AP3S2: variants seen among roughly 807,000 people sequenced by gnomAD.
The protein encoded by AP3S2 is adaptor related protein complex 3 subunit sigma 2, also known as AP-3 complex subunit sigma-2.
A neutral mutation model predicts 23.4 loss-of-function variants in AP3S2; 22 were observed. The observed-to-expected ratio is 0.94, with a 90% confidence interval of 0.67 to 1.34. AP3S2 has a LOEUF of 1.34. AP3S2 is among the 40% of genes most tolerant of loss of function. The pLI is 0.00. For synonymous variants in AP3S2, 86 were observed against 87.1 expected, an observed-to-expected ratio of 0.99 and a Z score of 0.07; for missense variants, 241 against 236.9, an observed-to-expected ratio of 1.02 and a Z score of -0.11.
intron 4 of AP3S2, among the ~76,000 whole-genome samples, chr15:89,853,758 G>A (rs373654369): frequency 8.3e-6 from 1 of 120,788 alleles, no homozygotes; most frequent in South Asian, 3.1e-4. Context: ...CCTCTGCCCC[G>A]CTGCCCCATC....
Position 89,885,312 on chromosome 15 carries a change from G to A in AP3S2, c.273+3209C>T, listed in dbSNP as rs1334790591. ...CAGGTTCAGGTGATTCTCATGCCTT[G>A]GCTACCCAAACAGCCAAGCAGCTGG... On this transcript the variant is annotated intron_variant, in intron 3 of 5. Coordinates refer to ENST00000336418, the MANE Select transcript of AP3S2 (RefSeq NM_005829.5). 3.3e-5 allele frequency among the ~76,000 whole-genome samples: 5 copies of A among 151,620 alleles called. No homozygotes were observed. The East Asian group carries it at 5.8e-4, about 18-fold the overall frequency.
At chr15:89,870,729 A>G (rs1041677867) in intron 4 of AP3S2, among the ~76,000 whole-genome samples, 2 of 152,200 alleles carry the variant, frequency 1.3e-5, no homozygotes, top group Non-Finnish European at 2.9e-5. Flanking sequence ...ATCTCTCTCC[A>G]AGGGCCAGGG....
Position 89,893,818 on chromosome 15 carries a change from C to A in AP3S2, c.69+63G>T. On this transcript the variant is annotated intron_variant, in intron 1 of 5. Coordinates refer to ENST00000336418, the MANE Select transcript of AP3S2 (RefSeq NM_005829.5). ...GCGGTGCCCCCGGGCGCCGAGAGGC[C>A]AAAGAGGAGGGAAGACATAGTGGGC... is the stretch of plus-strand genomic sequence containing the variant. 2.0e-6 allele frequency: 3 copies of A among 1,530,456 alleles called. 1 individual carries two copies. In the South Asian group the frequency reaches 3.6e-5, roughly 18 times the overall value. 94.8% of individuals were successfully genotyped at this position (1,530,456 alleles called of 1,614,324 possible).
At position 89,893,978 on chromosome 15, in the gene AP3S2, G is replaced by A. The variant is rs746235794; in HGVS notation, c.-29C>T. Reference sequence around the variant, plus strand: ...TGCCAGCCACGGTTCTCTCAGCACCGGCTACTCCCAGAAAGCTCCTCCTTC... The same window carrying A: ...TGCCAGCCACGGTTCTCTCAGCACCAGCTACTCCCAGAAAGCTCCTCCTTC... On this transcript the variant is annotated 5_prime_UTR_variant, in exon 1 of 6. Transcript: ENST00000336418. 2.2e-5 allele frequency: 34 copies of A among 1,548,930 alleles called. No individual in the cohort carries two copies. The highest frequency in any genetic ancestry group is 1.7e-4 in the Middle Eastern group (1 of 6,010).
chr15:89,884,169 T>C (rs2141897226), intron 3 of AP3S2: 1 of 153,190 alleles, frequency 6.5e-6, no homozygotes, highest in African/African-American at 2.4e-5. Flanking sequence ...ATGCTTCTTA[T>C]TCCAGTTTGA....
chr15:89,884,261 A>T (rs1395089899), intron 3 of AP3S2, among the ~76,000 whole-genome samples: 2 of 152,220 alleles, frequency 1.3e-5, no homozygotes, highest in Non-Finnish European at 2.9e-5. Context: ...CTGCTATAAT[A>T]GACTATTAAT....
At chr15:89,856,572 C>G (rs1301211510) in intron 4 of AP3S2, among the ~76,000 whole-genome samples, 1 of 152,010 alleles carries the variant, frequency 6.6e-6, no homozygotes, top group African/African-American at 2.4e-5. Context: ...CATGGTGGTG[C>G]GCACCTGTAA....
At chr15:89,878,242 A>T in intron 3 of AP3S2, 1 of 641,486 alleles carries the variant, frequency 1.6e-6, no homozygotes, top group Non-Finnish European at 2.7e-6. Context: ...CAACAGCAAA[A>T]CTGTAGGAGA....
intron 4 of AP3S2, among the ~76,000 whole-genome samples, chr15:89,853,042 T>C (rs1895697560): frequency 6.6e-6 from 1 of 152,170 alleles, no homozygotes; most frequent in Non-Finnish European, 1.5e-5. Flanking sequence ...GAAAATTCAC[T>C]TAAATAACAC....
intron 4 of AP3S2, among the ~76,000 whole-genome samples, chr15:89,869,132 G>A (rs1428184748): frequency 4.6e-5 from 7 of 152,102 alleles, no homozygotes; most frequent in South Asian, 2.1e-4. Context: ...ACAGAAAGGC[G>A]GGAAAGGTGG....
rs142855521 is a variant in AP3S2 at position 89,844,974 on chromosome 15, C to T, written c.346-7252G>A. ...CAGCTGGAGTGCAGTGGCACGATCT[C>T]GGCTCACTGCAGCCTCTGTCTCCCA... On this transcript the variant is annotated intron_variant, in intron 4 of 5. Transcript: ENST00000336418. Among the ~76,000 whole-genome samples, 459 of 152,006 alleles carry T rather than the reference C, an allele frequency of 3.0e-3. 6 individuals carry two copies. Among genetic ancestry groups the T allele is most frequent in the African/African-American group, 0.011 (441 of 41,476 alleles).
At chr15:89,844,265 TTCTTTCTC>T (rs1296354349) in intron 4 of AP3S2, among the ~76,000 whole-genome samples, 3,060 of 15,834 alleles carry the variant, frequency 0.19, 57 homozygotes, top group East Asian at 0.35. Flanking sequence ...CTTTCTTTCT[TTCTTTCTC>T]TCTCTCTCTC....
intron 4 of AP3S2, among the ~76,000 whole-genome samples, chr15:89,844,213 TTCTTTCTTTC>T (rs1285607373): frequency 2.1e-4 from 2 of 9,728 alleles, no homozygotes; most frequent in African/African-American, 6.2e-4. Context: ...TTCTTTCTCT[TTCTTTCTTTC>T]TTTCTTTCTT....
chr15:89,830,697 AG>A lies in AP3S2; in HGVS notation c.*4817del, dbSNP rs1895059117. ...AACACGAGACAAGCCCCTGCCCTGG[AG>A]GGGCTTACATCCCGGCAGGGTAAAC... On this transcript the variant is annotated 3_prime_UTR_variant, in exon 6 of 6. Coordinates refer to ENST00000336418, the MANE Select transcript of AP3S2 (RefSeq NM_005829.5). 2 of 152,334 alleles carry A rather than the reference AG, an allele frequency of 1.3e-5. No homozygotes were observed. The highest frequency in any genetic ancestry group is 2.9e-5 in the Non-Finnish European group (2 of 68,090). 9.4% of individuals were successfully genotyped at this position (152,334 alleles called of 1,614,324 possible). A position where few individuals can be genotyped will look rare whatever the true frequency, so the allele number is the denominator to read the frequency against.
At chr15:89,862,364 T>A (rs772373697) in intron 4 of AP3S2, among the ~76,000 whole-genome samples, 1 of 152,226 alleles carries the variant, frequency 6.6e-6, no homozygotes, top group African/African-American at 2.4e-5. Flanking sequence ...GTTAATTGTG[T>A]TGTGCATCAT....
intron 4 of AP3S2, among the ~76,000 whole-genome samples, chr15:89,855,942 C>T (rs561861538): frequency 1.1e-5 from 1 of 89,966 alleles, no homozygotes; most frequent in Non-Finnish European, 2.1e-5. Flanking sequence ...ATGATATGTC[C>T]TTTAAAAAAA....
chr15:89,861,766 G>A (rs545722754), intron 4 of AP3S2, among the ~76,000 whole-genome samples: 12 of 152,084 alleles, frequency 7.9e-5, no homozygotes, highest in Non-Finnish European at 1.8e-4. Flanking sequence ...ACAAAGATAA[G>A]GCAGTCTAAC....
intron 4 of AP3S2, among the ~76,000 whole-genome samples, chr15:89,846,367 T>A (rs947342597): frequency 3.2e-4 from 49 of 152,008 alleles, no homozygotes; most frequent in Non-Finnish European, 6.3e-4. Context: ...TTTATTTTTT[T>A]TTTTTCTTGA....
intron 3 of AP3S2, among the ~76,000 whole-genome samples, chr15:89,873,042 C>A (rs999629863): frequency 1.3e-5 from 2 of 152,252 alleles, no homozygotes; most frequent in South Asian, 4.1e-4. Flanking sequence ...ATATTAGTGC[C>A]ATTCATAAAT....
Sources: allele counts gnomAD v4.1 joint callset (sites outside exome capture counted in the v4.1 genomes callset), GRCh38; gene constraint gnomAD v4.1.1; transcripts MANE v1.5; gene names NCBI Gene and HGNC (gene_info 2026-07-23, HGNC 2026-07-21).